Variants in PIP5K1B observed in about 807,000 individuals in gnomAD.
PIP5K1B encodes the protein phosphatidylinositol-4-phosphate 5-kinase type 1 beta, also known as phosphatidylinositol 4-phosphate 5-kinase type-1 beta.
In PIP5K1B, 42 loss-of-function variants were observed where a neutral mutation model predicts 67.0. The observed-to-expected ratio is 0.63, with a 90% CI of 0.49 to 0.81. The LOEUF (loss-of-function observed/expected upper bound fraction) is 0.81. Among genes scored for constraint, PIP5K1B ranks in the 30% least tolerant of loss-of-function variants. The pLI is 0.00. For missense variants in PIP5K1B, 459 were observed against 646.3 expected (o/e 0.71, Z 3.14); for synonymous variants, 214 against 231.4 (o/e 0.92, Z 0.68).
chr9:68,752,888 T>A (rs1229898135), intron 2 of PIP5K1B, among the ~76,000 whole-genome samples: 2 of 152,240 alleles, frequency 1.3e-5, no homozygotes, highest in Non-Finnish European at 2.9e-5. Context: ...ATCTCTGAGA[T>A]TAGTTGTTAG....
intron 15 of PIP5K1B, among the ~76,000 whole-genome samples, chr9:69,000,261 C>T (rs1351453165): frequency 1.3e-5 from 2 of 152,160 alleles, no homozygotes; most frequent in African/African-American, 4.8e-5. Flanking sequence ...CACCTTCGGT[C>T]TTCCACAGGT....
intron 15 of PIP5K1B, among the ~76,000 whole-genome samples, chr9:69,002,466 T>A (rs759941850): frequency 1.3e-5 from 2 of 152,186 alleles, no homozygotes; most frequent in Non-Finnish European, 2.9e-5. Context: ...TTTGTTTCCA[T>A]GCCTAACAAA....
intron 14 of PIP5K1B, among the ~76,000 whole-genome samples, chr9:68,956,168 A>G (rs1828379203): frequency 6.6e-6 from 1 of 152,230 alleles, no homozygotes; most frequent in Non-Finnish European, 1.5e-5. Flanking sequence ...TCTCAAATGC[A>G]TCGTTTGAAA....
At chr9:68,788,548 T>C (rs1164028613) in intron 2 of PIP5K1B, 1 of 280,332 alleles carries the variant, frequency 3.6e-6, no homozygotes, top group Non-Finnish European at 6.8e-6. Context: ...GAAATAGTGG[T>C]TCCACAGAAC....
intron 6 of PIP5K1B, 136 bp from the exon 7 acceptor site, chr9:68,888,845 G>A (rs895075681): frequency 4.2e-5 from 24 of 573,750 alleles, no homozygotes; most frequent in Non-Finnish European, 5.0e-5. Flanking sequence ...CTCGGTATAC[G>A]TGGAGCCTCT....
chr9:68,795,192 G>C (rs1442625930), intron 2 of PIP5K1B, among the ~76,000 whole-genome samples: 1 of 151,632 alleles, frequency 6.6e-6, no homozygotes, highest in Non-Finnish European at 1.5e-5. Flanking sequence ...TGTTTTAATG[G>C]TTAAAACATC....
At chr9:68,980,570 A>G (rs1364290579) in intron 14 of PIP5K1B, among the ~76,000 whole-genome samples, 1 of 152,198 alleles carries the variant, frequency 6.6e-6, no homozygotes, top group East Asian at 1.9e-4. Context: ...TATCCCAAAG[A>G]GCTTTACCCT....
intron 12 of PIP5K1B, among the ~76,000 whole-genome samples, chr9:68,932,751 A>G (rs1357158552): frequency 3.3e-5 from 5 of 150,674 alleles, no homozygotes; most frequent in African/African-American, 5.0e-5. Context: ...ATCTTCTGAA[A>G]GGGTCTCAGA....
intron 8 of PIP5K1B, among the ~76,000 whole-genome samples, chr9:68,913,509 G>T (rs1300214497): frequency 1.3e-5 from 2 of 152,184 alleles, no homozygotes; most frequent in Admixed American, 1.3e-4. Context: ...GTTCCTAATT[G>T]ATGCAAATCT....
rs187062514 is a variant in PIP5K1B at position 68,867,257 on chromosome 9, G to A, written c.200+3290G>A. ...GTTTGGCTCTACACCCTCGGACTCC[G>A]GCTCCCACGCCACCCTGGCAGGTGC... On this transcript the variant is annotated intron_variant, in intron 5 of 15. Coordinates refer to ENST00000265382, the MANE Select transcript of PIP5K1B (RefSeq NM_003558.4). Among the ~76,000 whole-genome samples the A allele has an allele frequency of 1.2e-3, 189 of 152,030 alleles. No individual in the cohort carries two copies. In the Middle Eastern group the frequency reaches 0.017, roughly 14 times the overall value.
intron 15 of PIP5K1B, among the ~76,000 whole-genome samples, chr9:68,995,439 G>C (rs188132544): frequency 1.3e-5 from 2 of 151,852 alleles, no homozygotes; most frequent in South Asian, 2.1e-4. Flanking sequence ...TTTGTTTTGC[G>C]TGCTCTTCTA....
At chr9:68,750,446 C>T (rs1315147765) in intron 2 of PIP5K1B, among the ~76,000 whole-genome samples, 1 of 152,222 alleles carries the variant, frequency 6.6e-6, no homozygotes, top group Non-Finnish European at 1.5e-5. Flanking sequence ...TCGTCGGTGA[C>T]GTAGCTGTTG....
chr9:68,709,854 G>A (rs926945600), intron 1 of PIP5K1B, among the ~76,000 whole-genome samples: 1 of 152,168 alleles, frequency 6.6e-6, no homozygotes, highest in Non-Finnish European at 1.5e-5. Context: ...AGGTTGCAGT[G>A]AGCTATGATC....
At chr9:68,996,200 A>G (rs1830595766) in intron 15 of PIP5K1B, among the ~76,000 whole-genome samples, 1 of 152,188 alleles carries the variant, frequency 6.6e-6, no homozygotes. Flanking sequence ...TCCACACATT[A>G]TGTGTGTGTG....
At chr9:68,926,487 C>T (rs1217957553) in intron 12 of PIP5K1B, among the ~76,000 whole-genome samples, 1 of 151,966 alleles carries the variant, frequency 6.6e-6, no homozygotes, top group African/African-American at 2.4e-5. Context: ...GATGTGTATG[C>T]TTCACCCTTT....
At chr9:68,991,054 C>A in intron 14 of PIP5K1B, 86 bp from the exon 15 acceptor site, 1 of 766,976 alleles carries the variant, frequency 1.3e-6, no homozygotes, top group Non-Finnish European at 2.3e-6. Flanking sequence ...CAAAAGCTGC[C>A]CACCTCACCC....
chr9:68,913,123 A>C (rs1825930372), intron 8 of PIP5K1B, among the ~76,000 whole-genome samples: 2 of 152,234 alleles, frequency 1.3e-5, no homozygotes, highest in Admixed American at 1.3e-4. Context: ...AGGAAGAAAG[A>C]ATCTGACTTT....
At chr9:68,920,498 G>C (rs151299041) in intron 11 of PIP5K1B, among the ~76,000 whole-genome samples, 4 of 149,580 alleles carry the variant, frequency 2.7e-5, no homozygotes, top group African/African-American at 9.8e-5. Flanking sequence ...CTCCTGAGTA[G>C]CTGGGACAAC....
At chr9:68,927,442 T>G (rs1288625174) in intron 12 of PIP5K1B, among the ~76,000 whole-genome samples, 1 of 152,220 alleles carries the variant, frequency 6.6e-6, no homozygotes, top group African/African-American at 2.4e-5. Context: ...TGTTATTGCC[T>G]GTCTTTTTTT....
Sources: gnomAD v4.1 joint callset for allele counts (sites outside exome capture counted in the v4.1 genomes callset) on GRCh38, gnomAD v4.1.1 for gene constraint, MANE v1.5 for transcripts, NCBI Gene and HGNC (gene_info 2026-07-23, HGNC 2026-07-21) for gene names.